Variants in KCNIP4 observed in about 807,000 individuals in gnomAD.
The protein encoded by KCNIP4 is Kv channel-interacting protein 4.
In KCNIP4, 12 loss-of-function variants were observed where a neutral mutation model predicts 34.0. The observed-to-expected ratio is 0.35, with a 90% CI of 0.23 to 0.57. The LOEUF (loss-of-function observed/expected upper bound fraction) is 0.57. Ranked by LOEUF, KCNIP4 falls within the 20% of genes least tolerant of loss-of-function variation. KCNIP4 has a pLI of 0.83. For missense variants in KCNIP4, 238 were observed against 311.7 expected, an observed-to-expected ratio of 0.76 and a Z score of 1.78; for synonymous variants, 124 against 102.2, an observed-to-expected ratio of 1.21 and a Z score of -1.29.
intron 1 of KCNIP4, among the ~76,000 whole-genome samples, chr4:21,635,071 G>T (rs190434187): frequency 4.6e-5 from 7 of 152,034 alleles, no homozygotes; most frequent in Non-Finnish European, 1.0e-4. Flanking sequence ...ATCTTCTTTT[G>T]TCAAAACAAT....
At chr4:21,305,904 T>C (rs906800928) in intron 1 of KCNIP4, among the ~76,000 whole-genome samples, 2 of 152,234 alleles carry the variant, frequency 1.3e-5, no homozygotes, top group Non-Finnish European at 1.5e-5. Context: ...TTCCTACTTA[T>C]GATGTATTAT....
intron 1 of KCNIP4, among the ~76,000 whole-genome samples, chr4:21,784,082 C>A (rs941048299): frequency 1.3e-5 from 2 of 150,096 alleles, no homozygotes; most frequent in Non-Finnish European, 3.0e-5. Context: ...CCTCAGGAAA[C>A]TTACAATCAT....
chr4:21,236,063 G>A (rs372248448), intron 1 of KCNIP4, among the ~76,000 whole-genome samples: 18 of 152,146 alleles, frequency 1.2e-4, no homozygotes, highest in African/African-American at 4.1e-4. Flanking sequence ...GGGAGGCTGA[G>A]GCAGGCAGAT....
At chr4:21,308,752 T>C (rs1015541473) in intron 1 of KCNIP4, among the ~76,000 whole-genome samples, 2 of 151,916 alleles carry the variant, frequency 1.3e-5, no homozygotes, top group African/African-American at 2.4e-5. Context: ...CAGATAAGTA[T>C]GAAGCGGCAG....
intron 8 of KCNIP4, 198 bp downstream of exon 8, chr4:20,731,808 A>G: frequency 3.0e-6 from 3 of 985,378 alleles, no homozygotes; most frequent in Non-Finnish European, 3.6e-6. Context: ...CCATAGCCTG[A>G]CTCAGTGGGC....
intron 1 of KCNIP4, among the ~76,000 whole-genome samples, chr4:21,743,762 CCAAGATAA>C (rs775213019): frequency 1.3e-5 from 2 of 149,994 alleles, no homozygotes; most frequent in Non-Finnish European, 3.0e-5. Flanking sequence ...TAACTCACCA[CCAAGATAA>C]CAAGAGAGAA....
At chr4:21,944,561 A>AG (rs1004881031) in intron 1 of KCNIP4, among the ~76,000 whole-genome samples, 4 of 73,844 alleles carry the variant, frequency 5.4e-5, no homozygotes, top group Admixed American at 5.2e-4. Context: ...CGTCTCAAAA[A>AG]AAAAAAAAAA....
At chr4:21,259,956 C>A (rs2109101898) in intron 1 of KCNIP4, among the ~76,000 whole-genome samples, 1 of 150,626 alleles carries the variant, frequency 6.6e-6, no homozygotes, top group South Asian at 2.1e-4. Flanking sequence ...AATGTCTAAA[C>A]ACTCAAACAG....
chr4:21,915,371 G>A (rs573043048), intron 1 of KCNIP4, among the ~76,000 whole-genome samples: 6 of 152,224 alleles, frequency 3.9e-5, no homozygotes, highest in Admixed American at 2.6e-4. Context: ...CTATGTGCTA[G>A]ACCTTTTGCA....
At chr4:21,024,008 T>C (rs925122107) in intron 1 of KCNIP4, among the ~76,000 whole-genome samples, 38 of 152,270 alleles carry the variant, frequency 2.5e-4, no homozygotes, top group African/African-American at 9.1e-4. Context: ...TCATACACTG[T>C]GGGTGAGAAG....
At chr4:21,393,311 A>AG (rs35628078) in intron 1 of KCNIP4, among the ~76,000 whole-genome samples, 31,262 of 151,908 alleles carry the variant, frequency 0.21, 3,672 homozygotes, top group Middle Eastern at 0.31. Context: ...AAGATCTAGA[A>AG]GTTTTTTTTT....
chr4:20,829,195 T>C (rs1718124464), intron 3 of KCNIP4, among the ~76,000 whole-genome samples: 2 of 129,434 alleles, frequency 1.5e-5, no homozygotes, highest in South Asian at 5.6e-4. Context: ...GAAGCACAAG[T>C]CCTTTTATTT....
intron 1 of KCNIP4, among the ~76,000 whole-genome samples, chr4:21,265,224 G>A (rs1015343462): frequency 6.6e-6 from 1 of 152,066 alleles, no homozygotes; most frequent in African/African-American, 2.4e-5. Context: ...CACCAGCACA[G>A]GCAAAAGCAG....
intron 1 of KCNIP4, among the ~76,000 whole-genome samples, chr4:21,829,616 G>C (rs956795854): frequency 6.6e-6 from 1 of 151,970 alleles, no homozygotes. Flanking sequence ...GTTGTCCTCA[G>C]TTTAAAATAG....
At chr4:21,154,452 G>A (rs1426161811) in intron 1 of KCNIP4, among the ~76,000 whole-genome samples, 2 of 152,050 alleles carry the variant, frequency 1.3e-5, no homozygotes, top group South Asian at 2.1e-4. Flanking sequence ...CAGCTCTTAT[G>A]TTATAGCACA....
chr4:21,468,379 G>C (rs546959648), intron 1 of KCNIP4, among the ~76,000 whole-genome samples: 9 of 152,242 alleles, frequency 5.9e-5, no homozygotes, highest in African/African-American at 1.9e-4. Flanking sequence ...GTACTGCCTC[G>C]GTACCGGAGC....
intron 1 of KCNIP4, among the ~76,000 whole-genome samples, chr4:21,136,663 G>T (rs188262187): frequency 1.3e-5 from 2 of 152,064 alleles, no homozygotes; most frequent in Non-Finnish European, 2.9e-5. Context: ...TATATTAAGA[G>T]ACATGGCAGG....
At chr4:20,877,573 C>A (rs1183387618) in intron 2 of KCNIP4, among the ~76,000 whole-genome samples, 1 of 152,052 alleles carries the variant, frequency 6.6e-6, no homozygotes, top group African/African-American at 2.4e-5. Flanking sequence ...TGTAAAATAG[C>A]CTATATTCCT....
intron 1 of KCNIP4, among the ~76,000 whole-genome samples, chr4:21,283,733 T>C (rs748703206): frequency 1.3e-5 from 2 of 150,936 alleles, no homozygotes; most frequent in Non-Finnish European, 2.9e-5. Flanking sequence ...CACACAAACA[T>C]GGCACATGTA....
Sources: allele counts gnomAD v4.1 joint callset (sites outside exome capture counted in the v4.1 genomes callset), GRCh38; gene constraint gnomAD v4.1.1; transcripts MANE v1.5; gene names NCBI Gene and HGNC (gene_info 2026-07-23, HGNC 2026-07-21).